Variants in METTL6 observed in about 807,000 individuals in gnomAD.
METTL6 encodes tRNA N(3)-cytidine methyltransferase METTL6.
A neutral mutation model predicts 26.4 loss-of-function variants in METTL6; 22 were observed. The observed-to-expected ratio is 0.83, with a 90% confidence interval of 0.59 to 1.19. The LOEUF is 1.19. METTL6 is among the 50% of genes most tolerant of loss of function. The pLI, the probability that METTL6 is intolerant of heterozygous loss-of-function variation, is 0.00. For missense variants in METTL6, 304 were observed against 324.8 expected, an observed-to-expected ratio of 0.94 and a Z score of 0.49; for synonymous variants, 109 against 116.2, an observed-to-expected ratio of 0.94 and a Z score of 0.40.
At chr3:15,414,473 A>C in intron 4 of METTL6, 2 of 498,484 alleles carry the variant, frequency 4.0e-6, no homozygotes, top group Non-Finnish European at 5.7e-6. Flanking sequence ...CTCGTGTCTC[A>C]GCCTCCCGAG....
chr3:15,421,746 C>T (rs183460876), intron 3 of METTL6, among the ~76,000 whole-genome samples: 2 of 152,026 alleles, frequency 1.3e-5, no homozygotes, highest in African/African-American at 4.8e-5. Context: ...CCTGTCTGTA[C>T]TAAAAATACA....
intron 6 of METTL6, among the ~76,000 whole-genome samples, chr3:15,391,460 G>A (rs933707891): frequency 1.3e-5 from 2 of 151,938 alleles, no homozygotes; most frequent in Admixed American, 6.6e-5. Context: ...ATGTTACATT[G>A]CAGAACAATT....
At chr3:15,392,715 G>A (rs1699382988) in intron 6 of METTL6, among the ~76,000 whole-genome samples, 2 of 152,112 alleles carry the variant, frequency 1.3e-5, no homozygotes, top group Admixed American at 6.6e-5. Flanking sequence ...TTCTACATAT[G>A]GCTAGCCAGT....
intron 6 of METTL6, among the ~76,000 whole-genome samples, chr3:15,394,214 G>C (rs897317382): frequency 8.7e-4 from 133 of 152,254 alleles, no homozygotes; most frequent in Non-Finnish European, 1.6e-3. Context: ...CTTCTTCCTG[G>C]TTTAGTCTTG....
At chr3:15,418,240 G>A (rs916384248) in intron 3 of METTL6, among the ~76,000 whole-genome samples, 1 of 152,114 alleles carries the variant, frequency 6.6e-6, no homozygotes, top group Non-Finnish European at 1.5e-5. Context: ...ACAGATGCTG[G>A]ATCCAAAAGC....
intron 6 of METTL6, among the ~76,000 whole-genome samples, chr3:15,401,725 C>A (rs1699652332): frequency 6.6e-6 from 1 of 152,252 alleles, no homozygotes; most frequent in South Asian, 2.1e-4. Context: ...TGGTAAAACA[C>A]ATGCCCACCA....
At chr3:15,398,183 A>T (rs908240498) in intron 6 of METTL6, among the ~76,000 whole-genome samples, 1 of 148,952 alleles carries the variant, frequency 6.7e-6, no homozygotes, top group Non-Finnish European at 1.5e-5. Flanking sequence ...TGAACTCTCC[A>T]CTGCAATGCT....
rs773421688 is a variant in METTL6 at position 15,414,180 on chromosome 3, G to T, written c.532-18C>A. 2 of 1,597,292 alleles carry T rather than the reference G, an allele frequency of 1.3e-6. No homozygotes were observed. Among genetic ancestry groups the T allele is most frequent in the South Asian group, 1.1e-5 (1 of 87,558 alleles). ...TTTAATACCTATGAAACAAAAGCAG[G>T]CTGAACATGACTTTGGAGAACCCTG... On this transcript the variant is annotated intron_variant, in intron 4 of 5. Coordinates refer to ENST00000383790, the MANE Select transcript of METTL6 (RefSeq NM_152396.4).
At chr3:15,420,464 C>T (rs2061586992) in intron 3 of METTL6, among the ~76,000 whole-genome samples, 1 of 152,114 alleles carries the variant, frequency 6.6e-6, no homozygotes, top group African/African-American at 2.4e-5. Flanking sequence ...TGAAATATTA[C>T]CTTTTGGAAA....
At chr3:15,389,874 GAGAA>G (rs1456239383) in intron 6 of METTL6, among the ~76,000 whole-genome samples, 1 of 124,452 alleles carries the variant, frequency 8.0e-6, no homozygotes, top group Non-Finnish European at 1.7e-5. Flanking sequence ...TTTTTTTAAA[GAGAA>G]AGAATCTTAC....
rs190863570 is a variant in METTL6 at position 15,410,930 on chromosome 3, T to A, written c.*326A>T. 1.4e-3 allele frequency: 299 copies of A among 207,930 alleles called. No individual in the cohort carries two copies. The highest frequency in any genetic ancestry group is 2.3e-3 in the Non-Finnish European group (240 of 104,214). The allele number at this position is 207,930 out of a possible 1,614,324, so 12.9% of individuals were successfully genotyped here. On this transcript the variant is annotated 3_prime_UTR_variant, in exon 6 of 6. Coordinates refer to ENST00000383790, the MANE Select transcript of METTL6 (RefSeq NM_152396.4). ...ATTTATGAAACAGGGTCTCACTCTGTCGCCCAGGCTGGAGTGCAATGGCAT... is the reference window on the plus strand; with the variant it reads ...ATTTATGAAACAGGGTCTCACTCTGACGCCCAGGCTGGAGTGCAATGGCAT...
chr3:15,406,588 A>T (rs1244068480), downstream of METTL6, among the ~76,000 whole-genome samples: 2 of 2,952 alleles, frequency 6.8e-4, no homozygotes, highest in Admixed American at 4.5e-3. Flanking sequence ...ACAAACAGTT[A>T]TATATATATA....
intron 6 of METTL6, among the ~76,000 whole-genome samples, chr3:15,401,290 C>T (rs964825011): frequency 6.6e-5 from 10 of 151,958 alleles, no homozygotes; most frequent in East Asian, 1.9e-4. Flanking sequence ...CCGCCCGCCT[C>T]GGCCTCCCAA....
intron 3 of METTL6, among the ~76,000 whole-genome samples, chr3:15,419,672 GCA>G (rs2061564796): frequency 6.6e-6 from 1 of 152,050 alleles, no homozygotes; most frequent in Non-Finnish European, 1.5e-5. Flanking sequence ...AGGAAACTTG[GCA>G]TTGTCTATTA....
intron 6 of METTL6, among the ~76,000 whole-genome samples, chr3:15,389,340 T>C (rs1699281978): frequency 6.6e-6 from 1 of 152,132 alleles, no homozygotes; most frequent in African/African-American, 2.4e-5. Context: ...TTGCTCTTCT[T>C]TTCTGCAATA....
At chr3:15,414,715 A>C (rs911847409) in intron 4 of METTL6, 1 of 357,754 alleles carries the variant, frequency 2.8e-6, no homozygotes, top group African/African-American at 2.2e-5. Flanking sequence ...CAGGATTAAA[A>C]TGTTAGAGAC....
Position 15,410,375 on chromosome 3 carries a change from T to G in METTL6, c.*881A>C, listed in dbSNP as rs1368692164. Among the ~76,000 whole-genome samples the G allele has an allele frequency of 1.3e-5, 2 of 152,098 alleles. No homozygotes were observed. Among genetic ancestry groups the G allele is most frequent in the African/African-American group, 2.4e-5 (1 of 41,410 alleles). ...TTTTGCTCTGTCGCCCAGGCTGGAG[T>G]GCAGTAGCGTGATCTCGACTTACTG... On this transcript the variant is annotated 3_prime_UTR_variant, in exon 6 of 6. Transcript: ENST00000383790.
chr3:15,419,874 T>G (rs182145869), intron 3 of METTL6, among the ~76,000 whole-genome samples: 1 of 150,950 alleles, frequency 6.6e-6, no homozygotes, highest in African/African-American at 2.4e-5. Flanking sequence ...TTTTTTTTTT[T>G]TTTTTGAGAC....
chr3:15,417,421 C>T (rs766282980), intron 3 of METTL6, among the ~76,000 whole-genome samples: 11 of 151,224 alleles, frequency 7.3e-5, no homozygotes, highest in Admixed American at 1.3e-4. Context: ...TGCCACTGCA[C>T]GCCAGCCTGC....
Sources: gnomAD v4.1 joint callset for allele counts (sites outside exome capture counted in the v4.1 genomes callset) on GRCh38, gnomAD v4.1.1 for gene constraint, MANE v1.5 for transcripts, NCBI Gene and HGNC (gene_info 2026-07-23, HGNC 2026-07-21) for gene names.